The following CEP112 variants were observed in gnomAD, a reference collection of about 807,000 sequenced individuals.
CEP112 encodes the protein centrosomal protein of 112 kDa.
Under a neutral mutation model 153.0 loss-of-function variants are expected in CEP112, and 127 were observed. That is an observed-to-expected ratio of 0.83 (90% confidence interval 0.72 to 0.96). The LOEUF (loss-of-function observed/expected upper bound fraction) is 0.96. Ranked by LOEUF, CEP112 falls within the 40% of genes least tolerant of loss-of-function variation. The pLI is 0.00. For synonymous variants in CEP112, 358 were observed against 374.4 expected (o/e 0.96, Z 0.51); for missense variants, 1,089 against 1,101.2 (o/e 0.99, Z 0.16).
At chr17:65,968,571 A>T (rs2044187) in intron 17 of CEP112, among the ~76,000 whole-genome samples, 73,042 of 152,028 alleles carry the variant, frequency 0.48, 18,543 homozygotes, top group East Asian at 0.89. Context: ...TTTATAGTGT[A>T]GCCATAATTT....
chr17:66,076,109 G>T (rs941673585), intron 8 of CEP112, among the ~76,000 whole-genome samples: 1 of 152,176 alleles, frequency 6.6e-6, no homozygotes, highest in African/African-American at 2.4e-5. Flanking sequence ...GGGACCTTTT[G>T]CGAGGGCAGC....
At chr17:65,864,128 G>A (rs1347060967) in intron 20 of CEP112, among the ~76,000 whole-genome samples, 4 of 112,942 alleles carry the variant, frequency 3.5e-5, no homozygotes, top group Admixed American at 9.8e-5. Flanking sequence ...GCGACAGAGT[G>A]AGACTCCTCA....
intron 18 of CEP112, among the ~76,000 whole-genome samples, chr17:65,931,679 C>G (rs1316982297): frequency 6.6e-6 from 1 of 152,228 alleles, no homozygotes; most frequent in Admixed American, 6.5e-5. Flanking sequence ...GTTGACAGAT[C>G]TGCCAAGCTC....
rs79309997 is a variant in CEP112 at position 66,036,709 on chromosome 17, A to T, written c.1219-6686T>A. Among the ~76,000 whole-genome samples, 1,473 of 152,328 alleles carry T rather than the reference A, an allele frequency of 9.7e-3. 19 individuals are homozygous for T. The highest frequency in any genetic ancestry group is 0.034 in the African/African-American group (1,399 of 41,570). ...CTGGTAAGCAGCAAAAAAGAATTTG[A>T]TCCAAGATCTCCTTGAATCAAAACC... On this transcript the variant is annotated intron_variant, in intron 12 of 26. Coordinates refer to ENST00000535342, the MANE Select transcript of CEP112 (RefSeq NM_001199165.4).
chr17:65,659,194 A>G (rs2046222738), intron 24 of CEP112, among the ~76,000 whole-genome samples: 1 of 152,130 alleles, frequency 6.6e-6, no homozygotes, highest in Non-Finnish European at 1.5e-5. Context: ...ATAAACATAT[A>G]GTTTCCTATT....
At chr17:65,968,620 A>C (rs2062502153) in intron 17 of CEP112, among the ~76,000 whole-genome samples, 1 of 152,218 alleles carries the variant, frequency 6.6e-6, no homozygotes, top group African/African-American at 2.4e-5. Context: ...TGAACATTTG[A>C]ATGTCTACCC....
At chr17:65,921,107 C>T (rs1487290579) in intron 19 of CEP112, among the ~76,000 whole-genome samples, 1 of 151,984 alleles carries the variant, frequency 6.6e-6, no homozygotes, top group African/African-American at 2.4e-5. Flanking sequence ...TCAGAGATGG[C>T]CCTTTGAACT....
At chr17:65,903,762 A>G (rs985503899) in intron 19 of CEP112, among the ~76,000 whole-genome samples, 2 of 152,194 alleles carry the variant, frequency 1.3e-5, no homozygotes, top group Non-Finnish European at 2.9e-5. Flanking sequence ...AAGCTTATCC[A>G]CCATGATCAA....
intron 20 of CEP112, among the ~76,000 whole-genome samples, chr17:65,869,157 G>C (rs1385108233): frequency 6.6e-6 from 1 of 152,188 alleles, no homozygotes; most frequent in Non-Finnish European, 1.5e-5. Flanking sequence ...AATATTGTCT[G>C]TGCTTTATCA....
chr17:66,153,124 G>GA (rs2071277686), intron 4 of CEP112, among the ~76,000 whole-genome samples: 1 of 152,108 alleles, frequency 6.6e-6, no homozygotes, highest in Non-Finnish European at 1.5e-5. Context: ...AGCCAGTTTG[G>GA]AAAAGAGTTT....
chr17:65,813,771 G>C (rs10512506), intron 21 of CEP112, among the ~76,000 whole-genome samples: 31,368 of 152,102 alleles, frequency 0.21, 3,544 homozygotes, highest in South Asian at 0.35. Flanking sequence ...ATTGCTTATT[G>C]TTTAATTTAC....
At chr17:66,073,398 G>A (rs1472503579) in intron 8 of CEP112, among the ~76,000 whole-genome samples, 1 of 152,158 alleles carries the variant, frequency 6.6e-6, no homozygotes, top group East Asian at 1.9e-4. Context: ...TAAATGCAGG[G>A]TACTAAAAGA....
At position 66,029,967 on chromosome 17, in the gene CEP112, C is replaced by G; in HGVS notation, c.1275G>C (p.Glu425Asp). 6.2e-7 allele frequency: 1 copy of G among 1,613,796 alleles called. No homozygotes were observed. The highest frequency in any genetic ancestry group is 8.5e-7 in the Non-Finnish European group (1 of 1,179,832). Residue 425 changes from glutamate to aspartate, a missense_variant, in exon 13 of 27, where the codon GAG (glutamate) becomes GAC (aspartate). By Grantham distance (45) the Glu-to-Asp change is conservative (BLOSUM62 2). Transcript: ENST00000535342. The stretch of plus-strand genomic sequence containing the variant: ...ATTTCTGCCTCTGTAAATTACTGTT[C>G]TCTGCTTCTCCAGTCAGCTGCTGGA... ...ARVQQLTGEA[E>D]NSNLQRQKLI...
intron 17 of CEP112, among the ~76,000 whole-genome samples, chr17:65,984,911 T>C (rs888588916): frequency 6.6e-6 from 1 of 152,022 alleles, no homozygotes; most frequent in Non-Finnish European, 1.5e-5. Context: ...ACCAAAAGAA[T>C]GTGTGCCACA....
intron 24 of CEP112, chr17:65,688,571 A>T (rs1301046896): frequency 6.5e-6 from 1 of 153,218 alleles, no homozygotes; most frequent in Non-Finnish European, 1.5e-5. Flanking sequence ...ATCTGGGCAG[A>T]ATGCCTGGCA....
chr17:65,693,248 T>C (rs1327784402), intron 23 of CEP112, among the ~76,000 whole-genome samples: 1 of 151,970 alleles, frequency 6.6e-6, no homozygotes, highest in Non-Finnish European at 1.5e-5. Context: ...CCCTGCCCCA[T>C]TCACTACATA....
At chr17:65,756,442 G>A (rs1446242889) in intron 21 of CEP112, among the ~76,000 whole-genome samples, 1 of 146,588 alleles carries the variant, frequency 6.8e-6, no homozygotes, top group African/African-American at 2.5e-5. Flanking sequence ...AAGAAATCAG[G>A]ATAATACGGA....
intron 17 of CEP112, among the ~76,000 whole-genome samples, chr17:65,994,344 T>C (rs973610530): frequency 2.6e-5 from 4 of 152,174 alleles, no homozygotes; most frequent in Non-Finnish European, 5.9e-5. Flanking sequence ...GTTGTTGTTA[T>C]TGAGACAGGG....
At chr17:65,977,920 C>T (rs992493111) in intron 17 of CEP112, among the ~76,000 whole-genome samples, 7 of 152,046 alleles carry the variant, frequency 4.6e-5, no homozygotes, top group African/African-American at 1.7e-4. Flanking sequence ...ACTAAAAATA[C>T]CAAAACTAGC....
Sources: gnomAD v4.1 joint callset for allele counts (sites outside exome capture counted in the v4.1 genomes callset) on GRCh38, gnomAD v4.1.1 for gene constraint, MANE v1.5 for transcripts, NCBI Gene and HGNC (gene_info 2026-07-23, HGNC 2026-07-21) for gene names.